The following UBE2R2 variants were observed in gnomAD, a reference collection of about 807,000 sequenced individuals.
UBE2R2 encodes ubiquitin conjugating enzyme E2 R2, also known as ubiquitin-conjugating enzyme E2 R2.
In UBE2R2, 1 loss-of-function variant was observed where a neutral mutation model predicts 27.8. The observed-to-expected ratio is 0.04, with a 90% CI of 0.01 to 0.17. The LOEUF is 0.17. UBE2R2 is among the 10% of genes least tolerant of loss of function. The probability of loss-of-function intolerance (pLI) is 1.00; values close to 1 mark genes in which losing one functional copy is unlikely to be tolerated. For synonymous variants in UBE2R2, 106 were observed against 113.3 expected (o/e 0.94, Z 0.41); for missense variants, 100 against 291.0 (o/e 0.34, Z 4.78).
chr9:33,866,391 A>C (rs1042278870), intron 1 of UBE2R2, among the ~76,000 whole-genome samples: 1 of 151,982 alleles, frequency 6.6e-6, no homozygotes, highest in African/African-American at 2.4e-5. Context: ...GGTGCCTGCC[A>C]CCACGCCTGG....
chr9:33,902,397 T>C (rs139463049), intron 3 of UBE2R2, among the ~76,000 whole-genome samples: 1 of 152,256 alleles, frequency 6.6e-6, no homozygotes, highest in Non-Finnish European at 1.5e-5. Flanking sequence ...AGTAGGTTGT[T>C]GATAGAATTT....
intron 3 of UBE2R2, among the ~76,000 whole-genome samples, chr9:33,907,702 A>G (rs1299399527): frequency 1.3e-5 from 2 of 152,148 alleles, no homozygotes; most frequent in African/African-American, 4.8e-5. Flanking sequence ...CTCAGGGTCT[A>G]TTTTGCTAGT....
chr9:33,892,847 A>G (rs537238878), intron 2 of UBE2R2, among the ~76,000 whole-genome samples: 1 of 152,270 alleles, frequency 6.6e-6, no homozygotes, highest in East Asian at 1.9e-4. Flanking sequence ...GATGGGGTGT[A>G]GGCTAGATAA....
chr9:33,816,084 A>C (rs942548057), upstream of UBE2R2, among the ~76,000 whole-genome samples: 1 of 152,188 alleles, frequency 6.6e-6, no homozygotes, highest in Admixed American at 6.5e-5. Context: ...AAACAAAACA[A>C]AACCAAAAAA....
intron 1 of UBE2R2, among the ~76,000 whole-genome samples, chr9:33,862,152 C>T (rs1317275525): frequency 1.3e-5 from 2 of 151,964 alleles, no homozygotes; most frequent in African/African-American, 4.8e-5. Context: ...CGTGCCCGGC[C>T]TGTTGATCCA....
At position 33,887,236 on chromosome 9, in the gene UBE2R2, CAT is replaced by C. The variant is rs570855520; in HGVS notation, c.264+270_264+271del. 4.7e-4 allele frequency among the ~76,000 whole-genome samples: 72 copies of C among 152,252 alleles called. 1 individual carries two copies. The highest frequency in any genetic ancestry group is 1.0e-3 in the South Asian group (5 of 4,822). Reference sequence around the variant, plus strand: ...TGTTCATTGCTAGGGTTATAATACACATGTCTTTAACATGTGCATTTAAAAAT... The same window carrying C: ...TGTTCATTGCTAGGGTTATAATACACGTCTTTAACATGTGCATTTAAAAAT... On this transcript the variant is annotated intron_variant, in intron 2 of 4. Transcript: ENST00000263228.
At chr9:33,823,394 T>C (rs1046346665) in intron 1 of UBE2R2, among the ~76,000 whole-genome samples, 1 of 151,924 alleles carries the variant, frequency 6.6e-6, no homozygotes, top group African/African-American at 2.4e-5. Flanking sequence ...TTTTTTTTCC[T>C]AGATGGAGTC....
At chr9:33,902,838 G>A (rs971688299) in intron 3 of UBE2R2, among the ~76,000 whole-genome samples, 1 of 152,130 alleles carries the variant, frequency 6.6e-6, no homozygotes, top group African/African-American at 2.4e-5. Flanking sequence ...AGTGGCTCAC[G>A]CCTGTAATCC....
chr9:33,877,823 G>GTCTGTCTCTCTCTCTCTCTCTC, intron 1 of UBE2R2, among the ~76,000 whole-genome samples: 7,088 of 130,288 alleles, frequency 0.054, 278 homozygotes, highest in South Asian at 0.098. Flanking sequence ...CTGTCTGTCT[G>GTCTGTCTCTCTCTCTCTCTCTC]TCTCTCTCTC....
intron 1 of UBE2R2, 36 bp downstream of exon 1, chr9:33,817,970 G>A (rs1342872586): frequency 1.3e-6 from 2 of 1,583,054 alleles, no homozygotes; most frequent in Non-Finnish European, 1.7e-6. Flanking sequence ...TGCTTCCGCG[G>A]CCGAGGCCTC....
chr9:33,863,716 G>C (rs117900264), intron 1 of UBE2R2, among the ~76,000 whole-genome samples: 1 of 151,988 alleles, frequency 6.6e-6, no homozygotes, highest in Non-Finnish European at 1.5e-5. Context: ...ATAGAATCTC[G>C]TTGTGTCATT....
At chr9:33,877,823 G>GTCTGTCTCTC in intron 1 of UBE2R2, among the ~76,000 whole-genome samples, 11 of 131,128 alleles carry the variant, frequency 8.4e-5, no homozygotes, top group African/African-American at 1.3e-4. Flanking sequence ...CTGTCTGTCT[G>GTCTGTCTCTC]TCTCTCTCTC....
In UBE2R2 at chr9:33,918,232, TTTTG is replaced by T. The variant is rs946541882; in HGVS notation, c.*999_*1002del. The T allele has an allele frequency of 1.1e-4, 16 of 151,972 alleles. No homozygotes were observed. The highest frequency in any genetic ancestry group is 2.7e-4 in the African/African-American group (11 of 41,360). The allele number at this position is 151,972 out of a possible 1,614,324, so 9.4% of individuals were successfully genotyped here. A position where few individuals can be genotyped will look rare whatever the true frequency, so the allele number is the denominator to read the frequency against. On this transcript the variant is annotated 3_prime_UTR_variant, in exon 5 of 5. Coordinates refer to ENST00000263228, the MANE Select transcript of UBE2R2 (RefSeq NM_017811.4). Reference sequence around the variant, plus strand: ...TCAAAAATACACTCGTACCATGACGTTTTGTTTTTGTTTTTTAAGTAGCCACTTT... The same window carrying T: ...TCAAAAATACACTCGTACCATGACGTTTTTTGTTTTTTAAGTAGCCACTTT...
chr9:33,855,758 G>C (rs1299614237), intron 1 of UBE2R2, among the ~76,000 whole-genome samples: 1 of 152,176 alleles, frequency 6.6e-6, no homozygotes, highest in Admixed American at 6.6e-5. Flanking sequence ...TGCTGAGGAT[G>C]GCCAGTCAGC....
intron 1 of UBE2R2, among the ~76,000 whole-genome samples, chr9:33,879,750 CTTTTTT>C (rs66929161): frequency 4.5e-5 from 3 of 67,364 alleles, no homozygotes; most frequent in African/African-American, 1.7e-4. Context: ...GGTCACAAGA[CTTTTTT>C]TTTTTTTTTT....
At chr9:33,896,165 T>G (rs781681056) in intron 2 of UBE2R2, among the ~76,000 whole-genome samples, 5 of 152,202 alleles carry the variant, frequency 3.3e-5, no homozygotes, top group African/African-American at 1.2e-4. Flanking sequence ...TAAAAGTGAC[T>G]GAGTTTTGAT....
chr9:33,882,082 C>T (rs1821741766), intron 1 of UBE2R2, among the ~76,000 whole-genome samples: 1 of 152,056 alleles, frequency 6.6e-6, no homozygotes, highest in Middle Eastern at 3.2e-3. Flanking sequence ...TTTGTAGCTT[C>T]GATTATTCTA....
chr9:33,826,251 G>C (rs1230622711), intron 1 of UBE2R2, among the ~76,000 whole-genome samples: 5 of 152,104 alleles, frequency 3.3e-5, no homozygotes, highest in Admixed American at 2.0e-4. Flanking sequence ...CAGAGATTAT[G>C]CTTATGTACC....
rs7858968 is a variant in UBE2R2, at chr9:33,908,121, C to G, written c.363-3843C>G. ...GTTACAGGTGTGAGCCACCGCACCC[C>G]GCCTGAAATAGTTCTTAAATTCAAA... On this transcript the variant is annotated intron_variant, in intron 3 of 4. Transcript: ENST00000263228. Among the ~76,000 whole-genome samples, 533 of 152,256 alleles carry G rather than the reference C, an allele frequency of 3.5e-3. 7 individuals are homozygous for G. Among genetic ancestry groups the G allele is most frequent in the African/African-American group, 0.012 (501 of 41,550 alleles).
Sources: allele counts gnomAD v4.1 joint callset (sites outside exome capture counted in the v4.1 genomes callset), GRCh38; gene constraint gnomAD v4.1.1; transcripts MANE v1.5; gene names NCBI Gene and HGNC (gene_info 2026-07-23, HGNC 2026-07-21).